The following ADK variants were observed in gnomAD, a reference collection of about 807,000 sequenced individuals.
ADK encodes the protein adenosine kinase.
In ADK, 24 loss-of-function variants were observed where a neutral mutation model predicts 44.7. The ratio of observed to expected loss-of-function variants is 0.54; its 90% CI spans 0.39 to 0.76. The LOEUF (loss-of-function observed/expected upper bound fraction) is 0.76, where lower values mean the gene tolerates loss of function less well. Among genes scored for constraint, ADK ranks in the 30% least tolerant of loss-of-function variants. The pLI, the probability that ADK is intolerant of heterozygous loss-of-function variation, is 0.00. For synonymous variants in ADK, 128 were observed against 142.6 expected (o/e 0.90, Z 0.73); for missense variants, 321 against 425.1 (o/e 0.76, Z 2.15).
chr10:74,536,047 T>C (rs1462303436), intron 7 of ADK, among the ~76,000 whole-genome samples: 1 of 152,176 alleles, frequency 6.6e-6, no homozygotes, highest in Non-Finnish European at 1.5e-5. Flanking sequence ...GGGATTTGCA[T>C]AGAAATACTA....
intron 6 of ADK, among the ~76,000 whole-genome samples, chr10:74,417,859 T>G (rs1410522275): frequency 1.3e-5 from 2 of 152,192 alleles, no homozygotes; most frequent in African/African-American, 4.8e-5. Flanking sequence ...AGCATATTTT[T>G]TCTCTTATAG....
At chr10:74,172,505 A>C (rs112263223) in intron 1 of ADK, among the ~76,000 whole-genome samples, 2,988 of 152,228 alleles carry the variant, frequency 0.02, 47 homozygotes, top group Non-Finnish European at 0.026. Context: ...CCTGACCAAC[A>C]TGGAGAAACC....
chr10:74,182,766 T>G (rs1003625251), intron 1 of ADK, among the ~76,000 whole-genome samples: 1 of 152,166 alleles, frequency 6.6e-6, no homozygotes, highest in Non-Finnish European at 1.5e-5. Context: ...TCCAAATCTT[T>G]CCAGCCACAA....
At chr10:74,220,661 G>C (rs1208595751) in intron 2 of ADK, among the ~76,000 whole-genome samples, 5 of 152,158 alleles carry the variant, frequency 3.3e-5, no homozygotes, top group Non-Finnish European at 7.3e-5. Flanking sequence ...ACATCAAAAA[G>C]CTTATCCACC....
At chr10:74,217,430 C>G (rs1180194894) in intron 2 of ADK, among the ~76,000 whole-genome samples, 1 of 152,240 alleles carries the variant, frequency 6.6e-6, no homozygotes, top group Non-Finnish European at 1.5e-5. Flanking sequence ...TAGGTTGCAC[C>G]TCTGGGGGCA....
At chr10:74,230,581 T>G (rs2132264248) in intron 3 of ADK, among the ~76,000 whole-genome samples, 1 of 152,152 alleles carries the variant, frequency 6.6e-6, no homozygotes, top group South Asian at 2.1e-4. Context: ...GGTCTCCTTA[T>G]GTTGCTCAGG....
intron 6 of ADK, among the ~76,000 whole-genome samples, chr10:74,438,221 C>T (rs1448321181): frequency 6.7e-6 from 1 of 150,316 alleles, no homozygotes; most frequent in East Asian, 1.9e-4. Flanking sequence ...AAGGTCCTTG[C>T]CTCTCTCTCT....
chr10:74,603,828 G>A (rs938695719), intron 9 of ADK, among the ~76,000 whole-genome samples: 30 of 152,160 alleles, frequency 2.0e-4, no homozygotes, highest in African/African-American at 7.2e-4. Context: ...TCGCCACACT[G>A]TTTTCCACAA....
intron 6 of ADK, among the ~76,000 whole-genome samples, chr10:74,419,330 C>A (rs113708728): frequency 3.9e-5 from 6 of 152,054 alleles, no homozygotes; most frequent in Non-Finnish European, 8.8e-5. Context: ...TTTCCCCCCC[C>A]CAAAAATCCC....
intron 9 of ADK, among the ~76,000 whole-genome samples, chr10:74,613,971 A>G (rs948119168): frequency 1.3e-5 from 2 of 152,138 alleles, no homozygotes; most frequent in Non-Finnish European, 2.9e-5. Context: ...AAAAGTTCTT[A>G]CCAGGTAAGA....
chr10:74,688,799 C>T (rs1855879031), intron 10 of ADK, among the ~76,000 whole-genome samples: 1 of 152,056 alleles, frequency 6.6e-6, no homozygotes, highest in Admixed American at 6.6e-5. Flanking sequence ...ACCTGTAGTC[C>T]CAGTTACTCA....
chr10:74,314,572 C>T (rs1210347469), intron 3 of ADK, 95 bp from the exon 4 acceptor site: 4 of 742,852 alleles, frequency 5.4e-6, no homozygotes, highest in Non-Finnish European at 9.5e-6. Context: ...AAACATTTTA[C>T]TATTTGTGTT....
chr10:74,535,480 AAAGT>A (rs1343963511), intron 7 of ADK, among the ~76,000 whole-genome samples: 3 of 152,108 alleles, frequency 2.0e-5, no homozygotes, highest in African/African-American at 7.2e-5. Flanking sequence ...AATTTTTAAG[AAAGT>A]AAAATGAGAA....
intron 3 of ADK, among the ~76,000 whole-genome samples, chr10:74,263,549 CAG>C (rs1846115550): frequency 6.6e-6 from 1 of 152,156 alleles, no homozygotes. Flanking sequence ...TTTGGGTGGG[CAG>C]AGTCTTCCAC....
chr10:74,155,029 A>T (rs1841709017), intron 1 of ADK, among the ~76,000 whole-genome samples: 1 of 152,232 alleles, frequency 6.6e-6, no homozygotes, highest in Non-Finnish European at 1.5e-5. Flanking sequence ...ATTATTAAGG[A>T]TCATGACTTT....
intron 4 of ADK, among the ~76,000 whole-genome samples, chr10:74,355,191 G>A (rs1205758059): frequency 6.6e-6 from 1 of 152,138 alleles, no homozygotes; most frequent in African/African-American, 2.4e-5. Flanking sequence ...GGCAAGGTAG[G>A]TATCATGAAG....
intron 3 of ADK, among the ~76,000 whole-genome samples, chr10:74,262,313 CA>C (rs35282438): frequency 0.61 from 65,608 of 107,418 alleles, 16,492 homozygotes; most frequent in Middle Eastern, 0.75. Flanking sequence ...GACTTCATCT[CA>C]AAAAAAAAAA....
At chr10:74,480,089 T>C (rs954170850) in intron 6 of ADK, among the ~76,000 whole-genome samples, 1 of 152,148 alleles carries the variant, frequency 6.6e-6, no homozygotes, top group Non-Finnish European at 1.5e-5. Context: ...TACTTTATAC[T>C]TTTTCCTACA....
chr10:74,274,695 G>A (rs996974334), intron 3 of ADK, among the ~76,000 whole-genome samples: 3 of 136,292 alleles, frequency 2.2e-5, no homozygotes, highest in Non-Finnish European at 4.7e-5. Flanking sequence ...TTTAAGAGGG[G>A]GCAGAGGTGA....
Sources: gnomAD v4.1 joint callset for allele counts (sites outside exome capture counted in the v4.1 genomes callset) on GRCh38, gnomAD v4.1.1 for gene constraint, MANE v1.5 for transcripts, NCBI Gene and HGNC (gene_info 2026-07-23, HGNC 2026-07-21) for gene names.